Variants in FBXO16 observed in about 807,000 individuals in gnomAD.
The protein encoded by FBXO16 is F-box protein 16.
A neutral mutation model predicts 41.0 loss-of-function variants in FBXO16; 31 were observed. The observed-to-expected ratio is 0.76, with a 90% CI of 0.57 to 1.02. The LOEUF (loss-of-function observed/expected upper bound fraction) is 1.02, where lower values mean the gene tolerates loss of function less well. FBXO16 is among the 50% of genes least tolerant of loss of function. The pLI is 0.00. For synonymous variants in FBXO16, 133 were observed against 117.8 expected (o/e 1.13, Z -0.84); for missense variants, 361 against 346.2 (o/e 1.04, Z -0.34).
At chr8:28,447,817 G>C (rs1217737346) in intron 6 of FBXO16, among the ~76,000 whole-genome samples, 2 of 152,070 alleles carry the variant, frequency 1.3e-5, no homozygotes, top group African/African-American at 4.8e-5. Flanking sequence ...AGCCAGGCGT[G>C]GTGGCACACA....
intron 2 of FBXO16, among the ~76,000 whole-genome samples, chr8:28,480,431 G>C (rs574188716): frequency 6.6e-6 from 1 of 152,158 alleles, no homozygotes; most frequent in Admixed American, 6.5e-5. Flanking sequence ...AGGAAGACAA[G>C]AGTCAATGAA....
chr8:28,443,195 AAT>A (rs1802807931), intron 7 of FBXO16, among the ~76,000 whole-genome samples: 1 of 151,836 alleles, frequency 6.6e-6, no homozygotes, highest in Admixed American at 6.6e-5. Context: ...CTAATTAAAA[AAT>A]GTTTTATTGT....
intron 7 of FBXO16, among the ~76,000 whole-genome samples, chr8:28,439,792 A>G (rs1487561420): frequency 6.6e-6 from 1 of 152,074 alleles, no homozygotes; most frequent in Non-Finnish European, 1.5e-5. Context: ...CCAACACCTG[A>G]GAAGTGCATC....
In FBXO16 at chr8:28,456,834, A is replaced by C. The variant is rs771653000; in HGVS notation, c.439T>G (p.Phe147Val). The change falls in exon 5 of 9, where the codon TTT becomes GTT. Residue 147 changes from phenylalanine (F) to valine (V), a missense_variant. Phe to Val is a conservative substitution (Grantham distance 50, BLOSUM62 -1). Coordinates refer to ENST00000380254, the MANE Select transcript of FBXO16 (RefSeq NM_172366.4). ...NWYINFSPTP[F>V]EQGIWKKHYI... ...TGCTTCTTCCAGATCCCCTGCTCAA[A>C]GGGAGTTGGAGAGAAATTGATGTAC... 6.2e-7 allele frequency: 1 copy of C among 1,614,166 alleles called. No individual in the cohort carries two copies. The highest frequency in any genetic ancestry group is 2.2e-5 in the East Asian group (1 of 44,886).
chr8:28,438,048 G>A (rs1802711003), intron 7 of FBXO16, among the ~76,000 whole-genome samples: 1 of 152,160 alleles, frequency 6.6e-6, no homozygotes, highest in African/African-American at 2.4e-5. Flanking sequence ...AGGTGCAGTG[G>A]CTCACATCTG....
chr8:28,471,805 C>CA (rs557259701), intron 3 of FBXO16, among the ~76,000 whole-genome samples: 1,810 of 23,610 alleles, frequency 0.077, 254 homozygotes, highest in African/African-American at 0.09. Context: ...CAGAGAATCT[C>CA]AAAAAAAAAA....
rs1802862554 is a variant in FBXO16, at chr8:28,446,301, C to G, written c.843+870G>C. ...GGTTCAAACCATCCTCCTGCCTCCC[C>G]CGCACCCGCCATAGGCATGTGCCAC... On this transcript the variant is annotated intron_variant, in intron 7 of 8. Transcript: ENST00000380254. Among the ~76,000 whole-genome samples the G allele has an allele frequency of 2.0e-5, 3 of 150,748 alleles. No homozygotes were observed. The South Asian group carries it at 6.3e-4, about 32-fold the overall frequency.
chr8:28,447,162 A>T lies in FBXO16; in HGVS notation c.843+9T>A. The stretch of plus-strand genomic sequence containing the variant: ...TTATGGTGATGAATCTTTCATAAAC[A>T]ATACTTACCATTGATTGTGCTTTTC... On this transcript the variant is annotated intron_variant, in intron 7 of 8. Coordinates refer to ENST00000380254, the MANE Select transcript of FBXO16 (RefSeq NM_172366.4). The T allele has an allele frequency of 6.2e-7, 1 of 1,605,162 alleles. No homozygotes were observed. The highest frequency in any genetic ancestry group is 8.5e-7 in the Non-Finnish European group (1 of 1,174,372).
chr8:28,455,618 G>C (rs1803027519), intron 5 of FBXO16: 1 of 152,130 alleles, frequency 6.6e-6, no homozygotes, highest in South Asian at 2.1e-4. Flanking sequence ...TTCTGCCCCT[G>C]AACAGCCTGA....
At chr8:28,489,792 T>C (rs1803662233) in intron 1 of FBXO16, among the ~76,000 whole-genome samples, 1 of 152,128 alleles carries the variant, frequency 6.6e-6, no homozygotes, top group Admixed American at 6.5e-5. Context: ...TCTGGGGTTA[T>C]ATGCAGAGTT....
intron 3 of FBXO16, among the ~76,000 whole-genome samples, chr8:28,469,932 G>A (rs1803305886): frequency 7.3e-6 from 1 of 136,828 alleles, no homozygotes; most frequent in South Asian, 2.3e-4. Flanking sequence ...GGCCGGGCGC[G>A]GTGGGCTCAC....
At position 28,428,685 on chromosome 8, in the gene FBXO16, G is replaced by T. The variant is rs768223142; in HGVS notation, c.*42C>A. On this transcript the variant is annotated 3_prime_UTR_variant, in exon 9 of 9. Transcript: ENST00000380254. ...GGGAGTCCCACTGACTCAGGGGGAGGCCAGGCGAGATGAGCTGGAACTTTT... is the reference window on the plus strand; with the variant it reads ...GGGAGTCCCACTGACTCAGGGGGAGTCCAGGCGAGATGAGCTGGAACTTTT... 3 of 1,574,580 alleles carry T rather than the reference G, an allele frequency of 1.9e-6. No homozygotes were observed. The highest frequency in any genetic ancestry group is 2.6e-6 in the Non-Finnish European group (3 of 1,161,100).
intron 1 of FBXO16, among the ~76,000 whole-genome samples, chr8:28,489,177 A>C (rs1803648380): frequency 6.6e-6 from 1 of 151,924 alleles, no homozygotes; most frequent in Non-Finnish European, 1.5e-5. Flanking sequence ...ACCAAAAACA[A>C]AACAAAAGCA....
intron 6 of FBXO16, chr8:28,447,568 T>G: frequency 3.2e-6 from 1 of 308,742 alleles, no homozygotes; most frequent in African/African-American, 2.1e-5. Context: ...TGAGACGGTA[T>G]GTACTGGGTG....
At chr8:28,451,383 T>G (rs1003579139) in intron 6 of FBXO16, among the ~76,000 whole-genome samples, 140 of 147,272 alleles carry the variant, frequency 9.5e-4, no homozygotes, top group African/African-American at 3.5e-3. Context: ...TGTTGTTGTT[T>G]TTTTTTTTTT....
chr8:28,435,115 G>A (rs190088138), intron 7 of FBXO16, among the ~76,000 whole-genome samples: 3 of 152,064 alleles, frequency 2.0e-5, no homozygotes, highest in Non-Finnish European at 4.4e-5. Context: ...CTGAGCTCTT[G>A]CCCAGCATCC....
chr8:28,460,247 T>A (rs12548411), intron 4 of FBXO16, among the ~76,000 whole-genome samples: 7,742 of 51,102 alleles, frequency 0.15, 240 homozygotes, highest in South Asian at 0.2. Context: ...ATATATATAT[T>A]TTTTTTTTTT....
intron 7 of FBXO16, among the ~76,000 whole-genome samples, chr8:28,444,304 T>C (rs1420095380): frequency 1.1e-5 from 1 of 92,592 alleles, no homozygotes; most frequent in East Asian, 3.9e-4. Flanking sequence ...TATTTCTTCT[T>C]TTTTTTTTTT....
intron 4 of FBXO16, 70 bp from the exon 5 acceptor site, chr8:28,457,000 T>C: frequency 6.6e-7 from 1 of 1,521,204 alleles, no homozygotes; most frequent in Non-Finnish European, 8.9e-7. Context: ...CCACTTTCTC[T>C]AGGTTTTGAG....
Sources: gnomAD v4.1 joint callset for allele counts (sites outside exome capture counted in the v4.1 genomes callset) on GRCh38, gnomAD v4.1.1 for gene constraint, MANE v1.5 for transcripts, NCBI Gene and HGNC (gene_info 2026-07-23, HGNC 2026-07-21) for gene names.